ARHGAP32: variants seen among roughly 807,000 people sequenced by gnomAD.
ARHGAP32 encodes the protein Rho GTPase activating protein 32.
A neutral mutation model predicts 186.5 loss-of-function variants in ARHGAP32; 51 were observed. The ratio of observed to expected loss-of-function variants is 0.27; its 90% CI spans 0.22 to 0.35. The LOEUF is 0.35. Ranked by LOEUF, ARHGAP32 falls within the 10% of genes least tolerant of loss-of-function variation. The pLI, the probability that ARHGAP32 is intolerant of heterozygous loss-of-function variation, is 1.00. For missense variants in ARHGAP32, 2,186 were observed against 2,623.5 expected (o/e 0.83, Z 3.64); for synonymous variants, 950 against 964.3 (o/e 0.99, Z 0.27).
At chr11:129,227,096 G>C (rs1234318844) in intron 1 of ARHGAP32, among the ~76,000 whole-genome samples, 1 of 151,972 alleles carries the variant, frequency 6.6e-6, no homozygotes, top group Middle Eastern at 3.2e-3. Context: ...AGAATAATTT[G>C]TATGAAATAA....
At position 128,966,498 on chromosome 11, in the gene ARHGAP32, GAA is replaced by G. The variant is rs1187159619; in HGVS notation, c.*2407_*2408del. On this transcript the variant is annotated 3_prime_UTR_variant, in exon 23 of 23. Coordinates refer to ENST00000682385, the MANE Select transcript of ARHGAP32 (RefSeq NM_001378024.1). Reference sequence around the variant, plus strand: ...AATGAAGCAACTCTAGATTTGATCTGAAGTTTGTGTTTCACGCTTGTAACAGT... The same window carrying G: ...AATGAAGCAACTCTAGATTTGATCTGGTTTGTGTTTCACGCTTGTAACAGT... The G allele has an allele frequency of 3.9e-5, 6 of 152,316 alleles. No individual in the cohort carries two copies. The highest frequency in any genetic ancestry group is 1.2e-4 in the African/African-American group (5 of 41,576). 9.4% of individuals were successfully genotyped at this position (152,316 alleles called of 1,614,324 possible). A position where few individuals can be genotyped will look rare whatever the true frequency, so the allele number is the denominator to read the frequency against.
chr11:129,238,049 C>A (rs9988902), intron 1 of ARHGAP32, among the ~76,000 whole-genome samples: 60,260 of 151,868 alleles, frequency 0.4, 12,747 homozygotes, highest in Middle Eastern at 0.54. Flanking sequence ...GAGAAAAAGT[C>A]AAGTCACCAC....
chr11:129,177,733 A>C (rs981994484), intron 1 of ARHGAP32, among the ~76,000 whole-genome samples: 3 of 152,224 alleles, frequency 2.0e-5, no homozygotes, highest in Non-Finnish European at 2.9e-5. Context: ...GACAAAATTC[A>C]ACAGCCCTTC....
chr11:129,019,817 T>C (rs372032002), intron 11 of ARHGAP32, among the ~76,000 whole-genome samples: 2 of 152,148 alleles, frequency 1.3e-5, no homozygotes, highest in African/African-American at 2.4e-5. Context: ...TAATAAGACA[T>C]ATAGTCTAAT....
chr11:129,234,364 A>G (rs967001018), intron 1 of ARHGAP32, among the ~76,000 whole-genome samples: 1 of 152,104 alleles, frequency 6.6e-6, no homozygotes, highest in African/African-American at 2.4e-5. Context: ...ATTGTGCCAA[A>G]TATTTTGAAA....
chr11:128,982,488 T>TGTGTGTGTGC (rs1945733303), intron 15 of ARHGAP32, among the ~76,000 whole-genome samples: 1 of 151,190 alleles, frequency 6.6e-6, no homozygotes, highest in South Asian at 2.1e-4. Flanking sequence ...TGTGTGTGTG[T>TGTGTGTGTGC]GTGTGTGTGT....
chr11:129,238,039 G>A (rs1944960837), intron 1 of ARHGAP32, among the ~76,000 whole-genome samples: 1 of 152,102 alleles, frequency 6.6e-6, no homozygotes, highest in Admixed American at 6.6e-5. Flanking sequence ...GTATGGGGCA[G>A]AGAAAAAGTC....
At chr11:129,085,919 G>C (rs187482954) in intron 6 of ARHGAP32, among the ~76,000 whole-genome samples, 1 of 151,698 alleles carries the variant, frequency 6.6e-6, no homozygotes, top group African/African-American at 2.4e-5. Flanking sequence ...GCGTGAACCC[G>C]GGAGGCAGAG....
At chr11:129,004,354 G>A (rs968994438) in intron 11 of ARHGAP32, among the ~76,000 whole-genome samples, 2 of 149,440 alleles carry the variant, frequency 1.3e-5, no homozygotes, top group Non-Finnish European at 3.0e-5. Flanking sequence ...TTCTGCAGCT[G>A]TTGGATGAAG....
chr11:129,018,537 T>A (rs542083593), intron 11 of ARHGAP32, among the ~76,000 whole-genome samples: 4 of 152,214 alleles, frequency 2.6e-5, no homozygotes, highest in Non-Finnish European at 5.9e-5. Context: ...CAAGCATTGT[T>A]ATATGACCCA....
chr11:129,174,524 G>A (rs1399508525), intron 1 of ARHGAP32, among the ~76,000 whole-genome samples: 1 of 152,204 alleles, frequency 6.6e-6, no homozygotes. Context: ...AGTAACCTCT[G>A]CAGACTTAAA....
intron 5 of ARHGAP32, among the ~76,000 whole-genome samples, chr11:129,117,203 C>G (rs1942390875): frequency 6.6e-6 from 1 of 151,924 alleles, no homozygotes; most frequent in Admixed American, 6.6e-5. Context: ...TAGTGTCAGG[C>G]CGCCTTGATT....
intron 6 of ARHGAP32, among the ~76,000 whole-genome samples, chr11:129,068,469 C>T (rs1940767103): frequency 6.6e-6 from 1 of 152,052 alleles, no homozygotes; most frequent in African/African-American, 2.4e-5. Flanking sequence ...GATGTACAAG[C>T]ATCATTTTAT....
chr11:129,171,871 G>C (rs922464649), intron 1 of ARHGAP32, among the ~76,000 whole-genome samples: 1 of 152,040 alleles, frequency 6.6e-6, no homozygotes, highest in Non-Finnish European at 1.5e-5. Context: ...AGTTCTCCTT[G>C]AAGAGGCCCT....
intron 2 of ARHGAP32, among the ~76,000 whole-genome samples, chr11:129,164,030 T>C (rs1749452714): frequency 6.6e-6 from 1 of 152,086 alleles, no homozygotes; most frequent in African/African-American, 2.4e-5. Flanking sequence ...CTCACCTCCT[T>C]CAGGTCTTTG....
intron 10 of ARHGAP32, among the ~76,000 whole-genome samples, chr11:129,044,432 C>T (rs1205419184): frequency 1.3e-5 from 2 of 152,068 alleles, no homozygotes; most frequent in African/African-American, 2.4e-5. Context: ...CAGAACTTGG[C>T]GATGACCTTG....
chr11:129,272,130 A>T (rs1203259452), intron 1 of ARHGAP32, among the ~76,000 whole-genome samples: 1 of 152,206 alleles, frequency 6.6e-6, no homozygotes, highest in Non-Finnish European at 1.5e-5. Context: ...AGGAAACAAA[A>T]AAAGGACAAT....
intron 1 of ARHGAP32, among the ~76,000 whole-genome samples, chr11:129,247,286 A>G (rs1945113686): frequency 6.6e-6 from 1 of 152,208 alleles, no homozygotes; most frequent in African/African-American, 2.4e-5. Flanking sequence ...TCATCATTCA[A>G]AGCTGGATAT....
intron 1 of ARHGAP32, among the ~76,000 whole-genome samples, chr11:129,246,352 A>G (rs10736570): frequency 0.87 from 132,900 of 152,238 alleles, 58,287 homozygotes; most frequent in African/African-American, 0.95. Flanking sequence ...AGTTAGAAAA[A>G]GTAATAGCTG....
Sources: gnomAD v4.1 joint callset for allele counts (sites outside exome capture counted in the v4.1 genomes callset) on GRCh38, gnomAD v4.1.1 for gene constraint, MANE v1.5 for transcripts, NCBI Gene and HGNC (gene_info 2026-07-23, HGNC 2026-07-21) for gene names.